Variants in TRPT1 observed in about 807,000 individuals in gnomAD.
TRPT1 encodes the protein tRNA phosphotransferase 1.
A neutral mutation model predicts 28.4 loss-of-function variants in TRPT1; 22 were observed. The ratio of observed to expected loss-of-function variants is 0.78; its 90% CI spans 0.55 to 1.11. The LOEUF is 1.11. Ranked by LOEUF, TRPT1 falls within the 50% of genes least tolerant of loss-of-function variation. The probability of loss-of-function intolerance (pLI) is 0.00; values close to 1 mark genes in which losing one functional copy is unlikely to be tolerated. For synonymous variants in TRPT1, 137 were observed against 132.4 expected (o/e 1.03, Z -0.24); for missense variants, 308 against 317.7 (o/e 0.97, Z 0.23).
In TRPT1 at chr11:64,223,951, C is replaced by G; in HGVS notation, c.687G>C (p.Leu229Phe). The part of the protein sequence containing the change: ...QLRPTRKPLS[L>F]AGDEETECQS... ...GACACTCTGTCTCTTCATCACCAGCCAAGGAAAGGGGCTTTCCTGATAAAG... is the reference window on the plus strand; with the variant it reads ...GACACTCTGTCTCTTCATCACCAGCGAAGGAAAGGGGCTTTCCTGATAAAG... Residue 229 changes from leucine (L) to phenylalanine (F), a missense_variant, in exon 8 of 8, where the codon TTG becomes TTC. Physicochemically the swap from Leu to Phe is conservative, Grantham distance 22. Coordinates refer to ENST00000317459, the MANE Select transcript of TRPT1 (RefSeq NM_001033678.4). 1 of 1,613,868 alleles carries G rather than the reference C, an allele frequency of 6.2e-7. No homozygotes were observed. The highest frequency in any genetic ancestry group is 8.5e-7 in the Non-Finnish European group (1 of 1,179,812).
At chr11:64,224,239 T>G in intron 6 of TRPT1, 29 bp from the exon 7 acceptor site, 1 of 1,613,812 alleles carries the variant, frequency 6.2e-7, no homozygotes, top group Non-Finnish European at 8.5e-7. Flanking sequence ...ATGTGACTCA[T>G]GCCCTCCCCG....
At chr11:64,225,013 C>T (rs1338153923) in intron 3 of TRPT1, 43 bp from the exon 4 acceptor site, 10 of 1,538,530 alleles carry the variant, frequency 6.5e-6, no homozygotes, top group Non-Finnish European at 8.7e-6. Context: ...TTGCTCTGGA[C>T]TGGGCCAGGG....
At chr11:64,225,957 G>A in intron 1 of TRPT1, 88 bp from the exon 2 acceptor site, 2 of 789,170 alleles carry the variant, frequency 2.5e-6, no homozygotes, top group Middle Eastern at 2.3e-4. Flanking sequence ...CTCAGGAAGT[G>A]AGCGCTGGGT....
rs768095148 is a variant in TRPT1 at position 64,224,097 on chromosome 11, C to CAAG, written c.670+2_670+3insCTT. ...GAATAGGGGCTGGGGTGGTGGTTCT[C>CAAG]ACGGGTAGGGCGTAGCTGCAGGGCC... is the stretch of plus-strand genomic sequence containing the variant. On this transcript the variant is annotated splice_region_variant and intron_variant, in intron 7 of 7. Coordinates refer to ENST00000317459, the MANE Select transcript of TRPT1 (RefSeq NM_001033678.4). The CAAG allele has an allele frequency of 6.2e-7, 1 of 1,606,476 alleles. No homozygotes were observed. The highest frequency in any genetic ancestry group is 8.5e-7 in the Non-Finnish European group (1 of 1,175,134).
In TRPT1 at chr11:64,223,816, T is replaced by C; in HGVS notation, c.*60A>G. On this transcript the variant is annotated 3_prime_UTR_variant, in exon 8 of 8. Transcript: ENST00000317459. ...GATGTAGCTACAGGATGATGAAACA[T>C]GGTTTCAAACGAGTTCTTTCTTGTT... The C allele has an allele frequency of 8.4e-7, 1 of 1,194,018 alleles. No individual in the cohort carries two copies. The highest frequency in any genetic ancestry group is 1.4e-5 in the South Asian group (1 of 69,576). 74.0% of individuals were successfully genotyped at this position (1,194,018 alleles called of 1,614,324 possible).
Position 64,224,648 on chromosome 11 carries a change from A to G in TRPT1, c.397T>C (p.Phe133Leu), listed in dbSNP as rs1402092006. The G allele has an allele frequency of 6.2e-7, 1 of 1,608,492 alleles. No individual in the cohort carries two copies. Among genetic ancestry groups the G allele is most frequent in the Non-Finnish European group, 8.5e-7 (1 of 1,176,708 alleles). Residue 133 changes from phenylalanine (F) to leucine (L), a missense_variant, in exon 5 of 8, where the codon TTC (phenylalanine) becomes CTC (leucine). By Grantham distance (22) the Phe-to-Leu change is conservative. Coordinates refer to ENST00000317459, the MANE Select transcript of TRPT1 (RefSeq NM_001033678.4). ...ALPPMLVHGT[F>L]WKHWPSILLK... ...AGGATGGATGGCCAGTGCTTCCAGA[A>G]TGTACCATGGACTAGCATCGGGGGC... is the stretch of plus-strand genomic sequence containing the variant.
rs2134928737 is a variant in TRPT1 at position 64,224,617 on chromosome 11, T to G, written c.428A>C (p.Lys143Thr). Residue 143 changes from lysine (K) to threonine (T), a missense_variant, in exon 5 of 8, where the codon AAA becomes ACA. By Grantham distance (78) the Lys-to-Thr change is moderately conservative (BLOSUM62 -1). Transcript: ENST00000317459. ...FWKHWPSILL[K>T]GLSCQGRTHI... is the part of the protein sequence containing the mutation. ...CGTCCTTCCCTGGCAGGACAGGCCT[T>G]TGAGTAGGATGGATGGCCAGTGCTT... 6.2e-7 allele frequency: 1 copy of G among 1,606,832 alleles called. No homozygotes were observed. Among genetic ancestry groups the G allele is most frequent in the Non-Finnish European group, 8.5e-7 (1 of 1,175,856 alleles).
chr11:64,224,095 C>T lies in TRPT1; in HGVS notation c.670+5G>A. 2 of 1,606,112 alleles carry T rather than the reference C, an allele frequency of 1.2e-6. No homozygotes were observed. Among genetic ancestry groups the T allele is most frequent in the Non-Finnish European group, 1.7e-6 (2 of 1,174,858 alleles). ...AGGAATAGGGGCTGGGGTGGTGGTT[C>T]TCACGGGTAGGGCGTAGCTGCAGGG... On this transcript the variant is annotated splice_donor_5th_base_variant and intron_variant, in intron 7 of 7. Transcript: ENST00000317459.
chr11:64,225,788 G>C lies in TRPT1; in HGVS notation c.73C>G (p.Gln25Glu). Residue 25 changes from glutamine to glutamate, a missense_variant and splice_region_variant, in exon 2 of 8, where the codon CAG becomes GAG. Physicochemically the swap from Gln to Glu is conservative, Grantham distance 29. Transcript: ENST00000317459. ...RGRRAPRPRE[Q>E]DRDVQLSKAL... ...GGGGGTGGGGAGGAGGCGCGCACCT[G>C]TTCTCGGGGTCTGGGAGCCCTTCTA... The C allele has an allele frequency of 1.3e-6, 2 of 1,550,886 alleles. No homozygotes were observed. Among genetic ancestry groups the C allele is most frequent in the Non-Finnish European group, 1.7e-6 (2 of 1,146,902 alleles).
chr11:64,224,766 C>G (rs1946869090), intron 4 of TRPT1, 35 bp downstream of exon 4: 1 of 1,609,528 alleles, frequency 6.2e-7, no homozygotes, highest in East Asian at 2.2e-5. Flanking sequence ...AGGGGTCCCT[C>G]CCATCTCGTC....
chr11:64,225,465 G>A, intron 3 of TRPT1, 34 bp downstream of exon 3: 3 of 1,579,618 alleles, frequency 1.9e-6, no homozygotes, highest in Non-Finnish European at 2.6e-6. Context: ...TTTCTCTCTG[G>A]GCTCAAGCCC....
At position 64,224,269 on chromosome 11, in the gene TRPT1, C is replaced by T. The variant is rs375635773; in HGVS notation, c.559+16G>A. ...TCCCCGAAGGCAAGGGCAGCTCCTG[C>T]TTTGTCCAGACTCACCTGCCAGAGC... On this transcript the variant is annotated intron_variant, in intron 6 of 7. Transcript: ENST00000317459. 1.2e-6 allele frequency: 2 copies of T among 1,613,802 alleles called. No individual in the cohort carries two copies. Among genetic ancestry groups the T allele is most frequent in the African/African-American group, 2.7e-5 (2 of 74,944 alleles).
Position 64,225,723 on chromosome 11 carries a change from C to T in TRPT1, c.75+63G>A, listed in dbSNP as rs1473577608. 3 of 1,427,136 alleles carry T rather than the reference C, an allele frequency of 2.1e-6. No individual in the cohort carries two copies. The Admixed American group carries it at 6.2e-5, about 29-fold the overall frequency. 88.4% of individuals were successfully genotyped at this position (1,427,136 alleles called of 1,614,324 possible). ...CCAGGAATAGTAGGACCCTTCAGCT[C>T]CGCCCCCCAGCAACTCCCAGGGAGC... On this transcript the variant is annotated intron_variant, in intron 2 of 7. Coordinates refer to ENST00000317459, the MANE Select transcript of TRPT1 (RefSeq NM_001033678.4).
At position 64,225,868 on chromosome 11, in the gene TRPT1, A is replaced by G. The variant is rs1301215234; in HGVS notation, c.-8T>C. The G allele has an allele frequency of 2.6e-6, 4 of 1,549,094 alleles. No individual in the cohort carries two copies. Among genetic ancestry groups the G allele is most frequent in the Non-Finnish European group, 3.5e-6 (4 of 1,144,186 alleles). On this transcript the variant is annotated splice_region_variant and 5_prime_UTR_variant, in exon 2 of 8. Transcript: ENST00000317459. Reference sequence around the variant, plus strand: ...TCCTCCAGAGAAGTTCATGGTTAAGACCTGTGGGGGGCAGTGACGAGGGGG... The same window carrying G: ...TCCTCCAGAGAAGTTCATGGTTAAGGCCTGTGGGGGGCAGTGACGAGGGGG...
Position 64,223,930 on chromosome 11 carries a change from C to A in TRPT1, c.708G>T (p.Glu236Asp). ...PLSLAGDEET[E>D]CQSSPKHSSR... ...AGCTGTGCTTGGGGCTACTCTGACA[C>A]TCTGTCTCTTCATCACCAGCCAAGG... The change falls in exon 8 of 8, where the codon GAG (glutamate) becomes GAT (aspartate). Residue 236 changes from glutamate (E) to aspartate (D), a missense_variant. By Grantham distance (45) the Glu-to-Asp change is conservative. Coordinates refer to ENST00000317459, the MANE Select transcript of TRPT1 (RefSeq NM_001033678.4). The A allele has an allele frequency of 6.2e-7, 1 of 1,614,062 alleles. No homozygotes were observed. Among genetic ancestry groups the A allele is most frequent in the Non-Finnish European group, 8.5e-7 (1 of 1,179,930 alleles).
rs1184575356 is a variant in TRPT1 at position 64,224,105 on chromosome 11, G to T, written c.665C>A (p.Pro222His). The T allele has an allele frequency of 6.2e-7, 1 of 1,607,512 alleles. No homozygotes were observed. Among genetic ancestry groups the T allele is most frequent in the East Asian group, 2.2e-5 (1 of 44,766 alleles). ...GCTGGGGTGGTGGTTCTCACGGGTA[G>T]GGCGTAGCTGCAGGGCCTCCTTGAA... ...KYFKEALQLR[P>H]TRKPLSLAGD... The change falls in exon 7 of 8, where the codon CCT (proline) becomes CAT (histidine). Residue 222 changes from proline (P) to histidine (H), a missense_variant. Coordinates refer to ENST00000317459, the MANE Select transcript of TRPT1 (RefSeq NM_001033678.4).
At position 64,224,858 on chromosome 11, in the gene TRPT1, C is replaced by T. The variant is rs753678526; in HGVS notation, c.270G>A (p.Gln90=). The change falls in exon 4 of 8, where the codon CAG becomes CAA. Residue 90 remains glutamine (Q), a synonymous_variant. Coordinates refer to ENST00000317459, the MANE Select transcript of TRPT1 (RefSeq NM_001033678.4). ...DTNRKQRFAL[Q]LGDPSTGLLI... ...GAAGGCCAGTGCTGGGATCCCCCAG[C>T]TGCAGGGCGAACCGCTGCTTCCTAT... is the stretch of plus-strand genomic sequence containing the variant. 4.3e-6 allele frequency: 7 copies of T among 1,613,262 alleles called. No individual in the cohort carries two copies. In the East Asian group the frequency reaches 1.6e-4, roughly 36 times the overall value.
intron 3 of TRPT1, 124 bp from the exon 4 acceptor site, chr11:64,225,094 C>T: frequency 9.2e-7 from 1 of 1,092,830 alleles, no homozygotes; most frequent in South Asian, 1.6e-5. Flanking sequence ...TCTGTGGGAC[C>T]TTTAGAAAGT....
chr11:64,225,999 C>G (rs1946994386), intron 1 of TRPT1, 51 bp downstream of exon 1: 1 of 628,906 alleles, frequency 1.6e-6, no homozygotes, highest in Non-Finnish European at 2.8e-6. Flanking sequence ...TTCACCACCC[C>G]CAAGTCCCTG....
Sources: allele counts gnomAD v4.1 joint callset, GRCh38; gene constraint gnomAD v4.1.1; transcripts MANE v1.5; gene names NCBI Gene and HGNC (gene_info 2026-07-23, HGNC 2026-07-21).